NWD2: variants seen among roughly 807,000 people sequenced by gnomAD.
NWD2 encodes the protein NACHT and WD repeat domain-containing protein 2.
NWD2 carries 37 observed loss-of-function variants against 132.7 expected under a neutral mutation model. The ratio of observed to expected loss-of-function variants is 0.28; its 90% CI spans 0.21 to 0.37. The LOEUF (loss-of-function observed/expected upper bound fraction) is 0.37, where lower values mean the gene tolerates loss of function less well. Ranked by LOEUF, NWD2 falls within the 10% of genes least tolerant of loss-of-function variation. The pLI, the probability that NWD2 is intolerant of heterozygous loss-of-function variation, is 1.00. For synonymous variants in NWD2, 705 were observed against 803.0 expected, an observed-to-expected ratio of 0.88 and a Z score of 2.06; for missense variants, 1,592 against 2,122.4, an observed-to-expected ratio of 0.75 and a Z score of 4.91.
intron 1 of NWD2, among the ~76,000 whole-genome samples, chr4:37,293,794 G>A (rs1718416529): frequency 1.3e-5 from 2 of 151,704 alleles, no homozygotes; most frequent in South Asian, 2.1e-4. Flanking sequence ...TGTGGAGTAT[G>A]CCTTCAGCTA....
chr4:37,356,504 CT>C, intron 3 of NWD2, 22 bp downstream of exon 3: 1 of 1,358,382 alleles, frequency 7.4e-7, no homozygotes, highest in Non-Finnish European at 1.0e-6. Context: ...AAAACTAATG[CT>C]TTATATTAAC....
intron 2 of NWD2, among the ~76,000 whole-genome samples, chr4:37,343,098 A>T (rs1326085663): frequency 6.6e-6 from 1 of 152,230 alleles, no homozygotes; most frequent in Non-Finnish European, 1.5e-5. Flanking sequence ...CGTTCTACCC[A>T]GAGGATGGCT....
At chr4:37,363,143 ACT>A (rs1250274330) in intron 3 of NWD2, among the ~76,000 whole-genome samples, 1 of 152,188 alleles carries the variant, frequency 6.6e-6, no homozygotes, top group Non-Finnish European at 1.5e-5. Context: ...ATTATTGAAA[ACT>A]CAAAAAACAA....
chr4:37,343,424 A>C (rs1454999933), intron 2 of NWD2, among the ~76,000 whole-genome samples: 1 of 152,210 alleles, frequency 6.6e-6, no homozygotes, highest in Non-Finnish European at 1.5e-5. Context: ...AAAGAGCTAC[A>C]GGTCTTTTAA....
At chr4:37,424,923 C>G (rs897932846) in intron 3 of NWD2, among the ~76,000 whole-genome samples, 3 of 152,084 alleles carry the variant, frequency 2.0e-5, no homozygotes, top group East Asian at 1.9e-4. Context: ...GCAGAGCTAA[C>G]TGCACATGAA....
intron 3 of NWD2, among the ~76,000 whole-genome samples, chr4:37,383,992 A>G (rs1171646654): frequency 1.3e-5 from 2 of 152,068 alleles, no homozygotes; most frequent in Non-Finnish European, 1.5e-5. Flanking sequence ...AAAAACCTGC[A>G]GGACGTGCCG....
intron 3 of NWD2, among the ~76,000 whole-genome samples, chr4:37,428,405 T>G (rs1461821548): frequency 6.6e-6 from 1 of 152,202 alleles, no homozygotes; most frequent in Non-Finnish European, 1.5e-5. Context: ...TTGGTTACTG[T>G]AGGGTTATGT....
At chr4:37,328,285 G>A (rs758572466) in intron 2 of NWD2, among the ~76,000 whole-genome samples, 1 of 151,984 alleles carries the variant, frequency 6.6e-6, no homozygotes, top group Non-Finnish European at 1.5e-5. Context: ...TGGTATACGT[G>A]TGCAGAATAT....
At chr4:37,290,827 G>T (rs755014024) in intron 1 of NWD2, among the ~76,000 whole-genome samples, 1 of 152,172 alleles carries the variant, frequency 6.6e-6, no homozygotes, top group African/African-American at 2.4e-5. Context: ...TCTTCACTCC[G>T]CAGATGAATT....
chr4:37,310,516 G>A (rs1031849245), intron 1 of NWD2, among the ~76,000 whole-genome samples: 2 of 152,066 alleles, frequency 1.3e-5, no homozygotes, highest in Admixed American at 6.6e-5. Context: ...TTTCTTTATT[G>A]CACTGACCAG....
chr4:37,268,770 A>G (rs1717810624), intron 1 of NWD2, among the ~76,000 whole-genome samples: 1 of 151,734 alleles, frequency 6.6e-6, no homozygotes, highest in South Asian at 2.1e-4. Flanking sequence ...GCAGCTGTAT[A>G]TATAATGAGT....
chr4:37,371,799 C>A (rs1273298106), intron 3 of NWD2, among the ~76,000 whole-genome samples: 1 of 152,196 alleles, frequency 6.6e-6, no homozygotes, highest in Non-Finnish European at 1.5e-5. Context: ...TTTTGCCCTG[C>A]AATGCAGAAC....
intron 3 of NWD2, among the ~76,000 whole-genome samples, chr4:37,408,250 C>T (rs1017132962): frequency 6.6e-6 from 1 of 152,088 alleles, no homozygotes; most frequent in Non-Finnish European, 1.5e-5. Context: ...GTCCCACCCC[C>T]ACGGAGCCCA....
intron 3 of NWD2, among the ~76,000 whole-genome samples, chr4:37,422,174 C>G (rs1263320280): frequency 6.6e-6 from 1 of 152,166 alleles, no homozygotes; most frequent in Non-Finnish European, 1.5e-5. Flanking sequence ...TATAGAGAAA[C>G]TGAATTTAAG....
At chr4:37,248,057 A>G (rs1261424785) in intron 1 of NWD2, among the ~76,000 whole-genome samples, 2 of 152,184 alleles carry the variant, frequency 1.3e-5, no homozygotes, top group Non-Finnish European at 2.9e-5. Flanking sequence ...CTGAGGCTGT[A>G]TCAAATTATA....
chr4:37,438,556 T>C (rs976384197), intron 5 of NWD2, among the ~76,000 whole-genome samples: 1 of 152,214 alleles, frequency 6.6e-6, no homozygotes, highest in African/African-American at 2.4e-5. Flanking sequence ...TTTATTATGC[T>C]TATGTCCAAC....
intron 3 of NWD2, among the ~76,000 whole-genome samples, chr4:37,394,795 T>G (rs2109313019): frequency 7.5e-6 from 1 of 133,062 alleles, no homozygotes; most frequent in East Asian, 2.2e-4. Flanking sequence ...AGTGAACCTT[T>G]ATGGTTTTTT....
At chr4:37,316,232 T>C (rs1235131670) in intron 1 of NWD2, among the ~76,000 whole-genome samples, 9 of 152,094 alleles carry the variant, frequency 5.9e-5, no homozygotes, top group Non-Finnish European at 1.2e-4. Context: ...TTTTGCTTTT[T>C]TAAAAATAGT....
chr4:37,258,022 G>C (rs1318625110), intron 1 of NWD2, among the ~76,000 whole-genome samples: 5 of 152,238 alleles, frequency 3.3e-5, no homozygotes, highest in South Asian at 2.1e-4. Context: ...CTTTAATGTT[G>C]CTTTAAACCT....
Sources: allele counts gnomAD v4.1 joint callset (sites outside exome capture counted in the v4.1 genomes callset), GRCh38; gene constraint gnomAD v4.1.1; transcripts MANE v1.5; gene names NCBI Gene and HGNC (gene_info 2026-07-23, HGNC 2026-07-21).